The following NUP210L variants were observed in gnomAD, a reference collection of about 807,000 sequenced individuals.
NUP210L encodes the protein nucleoporin 210 like.
NUP210L carries 74 observed loss-of-function variants against 208.5 expected under a neutral mutation model. That is an observed-to-expected ratio of 0.35 (90% CI 0.29 to 0.43). The LOEUF (loss-of-function observed/expected upper bound fraction) is 0.43. Ranked by LOEUF, NUP210L falls within the 20% of genes least tolerant of loss-of-function variation. The pLI, the probability that NUP210L is intolerant of heterozygous loss-of-function variation, is 1.00. For missense variants in NUP210L, 1,843 were observed against 2,289.4 expected (o/e 0.81, Z 3.98); for synonymous variants, 780 against 816.9 (o/e 0.95, Z 0.77).
At chr1:154,129,212 A>C (rs1023306265) in intron 8 of NUP210L, 65 bp downstream of exon 8, 8 of 919,636 alleles carry the variant, frequency 8.7e-6, no homozygotes, top group Non-Finnish European at 1.4e-5. Flanking sequence ...AATGCTGTAT[A>C]ATGCACTCAT....
chr1:154,026,289 C>T (rs1651873303), intron 29 of NUP210L, among the ~76,000 whole-genome samples: 1 of 152,134 alleles, frequency 6.6e-6, no homozygotes, highest in African/African-American at 2.4e-5. Context: ...CAGGTAAATA[C>T]TTGCAAATGA....
At chr1:154,015,914 A>G (rs1419961915) in intron 33 of NUP210L, among the ~76,000 whole-genome samples, 1 of 134,616 alleles carries the variant, frequency 7.4e-6, no homozygotes, top group Non-Finnish European at 1.5e-5. Flanking sequence ...CTCAATAAAT[A>G]AATAAATAAA....
intron 16 of NUP210L, among the ~76,000 whole-genome samples, chr1:154,071,915 C>A (rs370082960): frequency 1.3e-5 from 2 of 151,898 alleles, no homozygotes; most frequent in African/African-American, 4.8e-5. Context: ...AGATTACGGG[C>A]GTGAGCCACC....
chr1:154,017,733 G>T (rs1249057317), intron 33 of NUP210L, among the ~76,000 whole-genome samples: 1 of 151,394 alleles, frequency 6.6e-6, no homozygotes, highest in Admixed American at 6.6e-5. Flanking sequence ...GTCAGGCTGG[G>T]TCTCGAACTT....
Position 154,025,630 on chromosome 1 carries a change from T to C in NUP210L, c.4034A>G (p.Lys1345Arg), listed in dbSNP as rs376409501. 89 of 1,613,986 alleles carry C rather than the reference T, an allele frequency of 5.5e-5. No homozygotes were observed. The African/African-American group carries it at 7.9e-4, about 14-fold the overall frequency. Residue 1345 changes from lysine to arginine, a missense_variant, in exon 30 of 40, where the codon AAA becomes AGA. By Grantham distance (26) the Lys-to-Arg change is conservative. Coordinates refer to ENST00000368559, the Ensembl canonical transcript of NUP210L. ...AGCAGTACCTGCAATGGAACCAGCTTTCAGGAGCCCTTCACCATCCTCCTC... is the reference window on the plus strand; with the variant it reads ...AGCAGTACCTGCAATGGAACCAGCTCTCAGGAGCCCTTCACCATCCTCCTC...
intron 7 of NUP210L, among the ~76,000 whole-genome samples, chr1:154,134,167 T>A (rs1225630733): frequency 7.8e-4 from 116 of 149,252 alleles, no homozygotes; most frequent in Middle Eastern, 3.4e-3. Flanking sequence ...AAAATAATAA[T>A]AATAATAATA....
At chr1:154,140,008 A>G in intron 4 of NUP210L, 56 bp from the exon 5 acceptor site, 5 of 1,392,990 alleles carry the variant, frequency 3.6e-6, no homozygotes, top group Admixed American at 1.9e-5. Flanking sequence ...GGTTCTTCCA[A>G]AAGTCCCTAA....
chr1:154,144,615 T>G (rs963754545), intron 2 of NUP210L, among the ~76,000 whole-genome samples: 3 of 152,248 alleles, frequency 2.0e-5, no homozygotes, highest in African/African-American at 7.2e-5. Flanking sequence ...CAGCACTCTT[T>G]CCTACCACAT....
intron 8 of NUP210L, among the ~76,000 whole-genome samples, chr1:154,128,443 T>A (rs2148120690): frequency 6.6e-6 from 1 of 152,290 alleles, no homozygotes. Context: ...TGTAGCCCAT[T>A]GCATTCCAGC....
intron 15 of NUP210L, among the ~76,000 whole-genome samples, chr1:154,091,501 C>CTT (rs772608860): frequency 4.8e-5 from 6 of 124,630 alleles, no homozygotes; most frequent in Non-Finnish European, 6.7e-5. Flanking sequence ...CTTTTCTTTT[C>CTT]TTTTTTTTTT....
Position 154,092,533 on chromosome 1 carries a change from C to G in NUP210L, c.2187+2402G>C, listed in dbSNP as rs530475938. On this transcript the variant is annotated intron_variant, in intron 15 of 39. Transcript: ENST00000368559. Reference sequence around the variant, plus strand: ...CACAGGCACATGCCACCATACCTGGCTAGTTTTTTGTTTTTTGTTTTTTTT... The same window carrying G: ...CACAGGCACATGCCACCATACCTGGGTAGTTTTTTGTTTTTTGTTTTTTTT... Among the ~76,000 whole-genome samples, 3 of 148,424 alleles carry G rather than the reference C, an allele frequency of 2.0e-5. No individual in the cohort carries two copies. The South Asian group carries it at 6.5e-4, about 32-fold the overall frequency.
intron 29 of NUP210L, 30 bp downstream of exon 29, chr1:154,027,476 T>C (rs1651957782): frequency 1.4e-6 from 2 of 1,438,188 alleles, no homozygotes; most frequent in Admixed American, 1.7e-5. Context: ...GCTTAGATCC[T>C]GGCACTTCCT....
intron 27 of NUP210L, among the ~76,000 whole-genome samples, chr1:154,033,760 A>G (rs892556291): frequency 5.9e-5 from 9 of 152,076 alleles, no homozygotes; most frequent in African/African-American, 2.2e-4. Context: ...TAACTTTTAC[A>G]ATTATTTTTT....
At chr1:154,148,955 A>C (rs1039983134) in intron 2 of NUP210L, among the ~76,000 whole-genome samples, 1 of 152,204 alleles carries the variant, frequency 6.6e-6, no homozygotes, top group Non-Finnish European at 1.5e-5. Context: ...ATGAGAAATT[A>C]AAGCCCCCTT....
Position 154,077,712 on chromosome 1 carries a change from C to T in NUP210L, c.2362-7247G>A, listed in dbSNP as rs192411401. Among the ~76,000 whole-genome samples, 452 of 152,110 alleles carry T rather than the reference C, an allele frequency of 3.0e-3. 3 individuals are homozygous for T. The highest frequency in any genetic ancestry group is 2.8e-3 in the African/African-American group (116 of 41,498). ...TAAAAGAAAAATATATGGCCGGGTG[C>T]GGTGGTCCACGCCTATAATCTCAGC... is the stretch of plus-strand genomic sequence containing the variant. On this transcript the variant is annotated intron_variant, in intron 16 of 39. Coordinates refer to ENST00000368559, the Ensembl canonical transcript of NUP210L.
At chr1:154,000,267 A>G (rs1361923628) in intron 37 of NUP210L, among the ~76,000 whole-genome samples, 2 of 152,204 alleles carry the variant, frequency 1.3e-5, no homozygotes, top group African/African-American at 2.4e-5. Context: ...AAGTGGCTGA[A>G]TGTTTCCCAT....
chr1:154,061,142 G>A, intron 18 of NUP210L, 96 bp from the exon 19 acceptor site: 1 of 793,012 alleles, frequency 1.3e-6, no homozygotes. Flanking sequence ...CTTTGGGAGG[G>A]TAAGGCAGGC....
intron 2 of NUP210L, among the ~76,000 whole-genome samples, chr1:154,148,336 A>G (rs1363503334): frequency 1.3e-5 from 2 of 151,550 alleles, no homozygotes; most frequent in African/African-American, 4.9e-5. Flanking sequence ...TACAAAACTT[A>G]GCTGGGCATG....
chr1:154,007,676 C>G (rs1322990241), intron 35 of NUP210L, among the ~76,000 whole-genome samples: 2 of 149,048 alleles, frequency 1.3e-5, no homozygotes, highest in African/African-American at 5.0e-5. Flanking sequence ...GGGTTCACGC[C>G]ATTCTCCTGC....
Sources: gnomAD v4.1 joint callset for allele counts (sites outside exome capture counted in the v4.1 genomes callset) on GRCh38, gnomAD v4.1.1 for gene constraint, MANE v1.5 for transcripts, NCBI Gene and HGNC (gene_info 2026-07-23, HGNC 2026-07-21) for gene names.